KDM4B: variants seen among roughly 807,000 people sequenced by gnomAD.
The protein encoded by KDM4B is lysine demethylase 4B, also known as lysine-specific demethylase 4B.
KDM4B carries 32 observed loss-of-function variants against 125.2 expected under a neutral mutation model. The observed-to-expected ratio is 0.26, with a 90% CI of 0.19 to 0.34. KDM4B has a LOEUF of 0.34. Among genes scored for constraint, KDM4B ranks in the 10% least tolerant of loss-of-function variants. KDM4B has a pLI of 1.00. For missense variants in KDM4B, 1,190 were observed against 1,577.7 expected (o/e 0.75, Z 4.16); for synonymous variants, 721 against 677.9 (o/e 1.06, Z -0.99).
intron 2 of KDM4B, among the ~76,000 whole-genome samples, chr19:5,032,447 T>C (rs1185079747): frequency 6.6e-6 from 1 of 152,206 alleles, no homozygotes; most frequent in Non-Finnish European, 1.5e-5. Flanking sequence ...CCCTCACCCA[T>C]GGCCGCCCTC....
At chr19:5,147,795 C>T (rs964056957) in intron 21 of KDM4B, among the ~76,000 whole-genome samples, 5 of 148,840 alleles carry the variant, frequency 3.4e-5, no homozygotes, top group African/African-American at 1.0e-4. Flanking sequence ...GGCGGGGGGG[C>T]AGAGGCTGTG....
intron 1 of KDM4B, among the ~76,000 whole-genome samples, chr19:5,007,727 A>G (rs1381633903): frequency 6.6e-6 from 1 of 150,592 alleles, no homozygotes; most frequent in Non-Finnish European, 1.5e-5. Flanking sequence ...TTTCTTCTTT[A>G]TTTTTTGTGG....
At chr19:5,077,346 C>A (rs748302960) in intron 7 of KDM4B, 21 bp from the exon 8 acceptor site, 7 of 1,605,188 alleles carry the variant, frequency 4.4e-6, no homozygotes, top group Non-Finnish European at 6.0e-6. Flanking sequence ...AGGAGACTGA[C>A]GTCTGTCTTT....
At chr19:5,131,665 G>GGGAGCTGGTGGCGGGGGAGGGGGC in intron 12 of KDM4B, 120 bp downstream of exon 12, 2 of 634,796 alleles carry the variant, frequency 3.2e-6, no homozygotes, top group South Asian at 1.9e-5. Context: ...GAGGGGACAG[G>GGGAGCTGGTGGCGGGGGAGGGGGC]AGGGCTGACT....
intron 14 of KDM4B, among the ~76,000 whole-genome samples, chr19:5,134,700 C>T (rs763821506): frequency 6.6e-6 from 1 of 152,238 alleles, no homozygotes; most frequent in African/African-American, 2.4e-5. Context: ...CAAGCATGTC[C>T]AGGCATCAGC....
chr19:5,117,495 G>A (rs1027088092), intron 10 of KDM4B, among the ~76,000 whole-genome samples: 2 of 152,140 alleles, frequency 1.3e-5, no homozygotes, highest in African/African-American at 4.8e-5. Context: ...AGACCAGGAG[G>A]GCAGCCCACC....
intron 1 of KDM4B, among the ~76,000 whole-genome samples, chr19:5,002,009 TC>T (rs1281162395): frequency 1.3e-5 from 2 of 151,926 alleles, no homozygotes; most frequent in African/African-American, 2.4e-5. Context: ...TCTTTTTTTT[TC>T]TTTTTGAGAC....
At chr19:5,139,653 G>A (rs1345760719) in intron 18 of KDM4B, among the ~76,000 whole-genome samples, 1 of 152,218 alleles carries the variant, frequency 6.6e-6, no homozygotes, top group African/African-American at 2.4e-5. Context: ...TTTGATTTGT[G>A]TTCTCCTGGC....
chr19:5,069,444 G>C (rs192708162), intron 6 of KDM4B, among the ~76,000 whole-genome samples: 1 of 152,016 alleles, frequency 6.6e-6, no homozygotes, highest in African/African-American at 2.4e-5. Context: ...TGAGTAGCTG[G>C]GATTACAGGC....
chr19:4,982,062 G>C lies in KDM4B; in HGVS notation c.-109+12832G>C, dbSNP rs371800210. ...TCCCAGCACTTTGGGAGGCTGAGGT[G>C]GGCAGATCACCTGAGGTCAGGAGTT... On this transcript the variant is annotated intron_variant, in intron 1 of 22. Transcript: ENST00000159111. Among the ~76,000 whole-genome samples, 7 of 151,576 alleles carry C rather than the reference G, an allele frequency of 4.6e-5. No individual in the cohort carries two copies. The East Asian group carries it at 5.8e-4, about 13-fold the overall frequency.
intron 10 of KDM4B, among the ~76,000 whole-genome samples, chr19:5,117,783 C>T (rs767069725): frequency 3.3e-5 from 5 of 152,124 alleles, no homozygotes; most frequent in Non-Finnish European, 4.4e-5. Context: ...CACCCCTGCC[C>T]GGCCACCCCG....
intron 21 of KDM4B, among the ~76,000 whole-genome samples, chr19:5,148,121 T>C (rs949870128): frequency 6.6e-6 from 1 of 152,238 alleles, no homozygotes; most frequent in Non-Finnish European, 1.5e-5. Context: ...TTCTGAGACG[T>C]GCCGGGCAAG....
intron 2 of KDM4B, among the ~76,000 whole-genome samples, chr19:5,019,140 AGGTGTTGGTGTG>A (rs1334053544): frequency 8.0e-6 from 1 of 124,282 alleles, no homozygotes; most frequent in African/African-American, 3.4e-5. Flanking sequence ...GTTGGTGTGC[AGGTGTTGGTGTG>A]GGTGTTGGTG....
At chr19:5,146,111 C>G (rs997179284) in intron 21 of KDM4B, among the ~76,000 whole-genome samples, 1 of 144,466 alleles carries the variant, frequency 6.9e-6, no homozygotes, top group African/African-American at 2.5e-5. Flanking sequence ...CCCCCACCCC[C>G]GGCCGTGCAG....
chr19:5,051,677 G>A (rs2037228856), intron 6 of KDM4B, among the ~76,000 whole-genome samples: 1 of 152,246 alleles, frequency 6.6e-6, no homozygotes, highest in Non-Finnish European at 1.5e-5. Flanking sequence ...GGAAGGGGGT[G>A]TCCCCCAGGG....
intron 10 of KDM4B, among the ~76,000 whole-genome samples, chr19:5,116,945 C>G (rs943311946): frequency 6.6e-6 from 1 of 152,144 alleles, no homozygotes; most frequent in Non-Finnish European, 1.5e-5. Flanking sequence ...TGCAGAAACA[C>G]GCGAAGGGGG....
chr19:5,028,159 T>C (rs955982035), intron 2 of KDM4B, among the ~76,000 whole-genome samples: 1 of 152,016 alleles, frequency 6.6e-6, no homozygotes, highest in African/African-American at 2.4e-5. Flanking sequence ...TAATTTTTAG[T>C]AGAGATGGGG....
rs570186811 is a variant in KDM4B at position 5,035,316 on chromosome 19, G to A, written c.141+2285G>A. On this transcript the variant is annotated intron_variant, in intron 3 of 22. Transcript: ENST00000159111. The surrounding 1 kb of genome is among the most constrained non-coding windows in gnomAD (Gnocchi z 5.3). ...TCCCAGGATGCAGCAGCCCTTTCTG[G>A]CTTGGGATCCAAGGCGTCCTGATGT... 2.0e-5 allele frequency among the ~76,000 whole-genome samples: 3 copies of A among 152,112 alleles called. No homozygotes were observed. The highest frequency in any genetic ancestry group is 4.8e-5 in the African/African-American group (2 of 41,428).
intron 9 of KDM4B, among the ~76,000 whole-genome samples, chr19:5,108,145 T>C (rs1207986037): frequency 6.6e-6 from 1 of 152,182 alleles, no homozygotes; most frequent in African/African-American, 2.4e-5. Context: ...CTGTCCCCCC[T>C]CCACGGGTGC....
Sources: gnomAD v4.1 joint callset for allele counts (sites outside exome capture counted in the v4.1 genomes callset) on GRCh38, gnomAD v4.1.1 for gene constraint, Gnocchi (gnomAD v3.1) non-coding constraint, MANE v1.5 for transcripts, NCBI Gene and HGNC (gene_info 2026-07-23, HGNC 2026-07-21) for gene names.